Variants in CAMKMT observed in about 807,000 individuals in gnomAD.
CAMKMT encodes the protein calmodulin-lysine N-methyltransferase, also known as CaM KMT.
In CAMKMT, 53 loss-of-function variants were observed where a neutral mutation model predicts 48.0. The ratio of observed to expected loss-of-function variants is 1.10; its 90% CI spans 0.89 to 1.39. CAMKMT has a LOEUF of 1.39. CAMKMT is among the 40% of genes most tolerant of loss of function. CAMKMT has a pLI of 0.00. For synonymous variants in CAMKMT, 165 were observed against 152.3 expected, an observed-to-expected ratio of 1.08 and a Z score of -0.61; for missense variants, 428 against 402.7, an observed-to-expected ratio of 1.06 and a Z score of -0.54.
chr2:44,400,928 GTGTATATATA>G (rs770164075), intron 3 of CAMKMT: 4,387 of 74,096 alleles, frequency 0.059, 206 homozygotes, highest in African/African-American at 0.25. Flanking sequence ...ACTTATGTGT[GTGTATATATA>G]TATATATATA....
intron 3 of CAMKMT, among the ~76,000 whole-genome samples, chr2:44,532,294 A>T (rs1305158765): frequency 6.6e-6 from 1 of 152,226 alleles, no homozygotes; most frequent in African/African-American, 2.4e-5. Flanking sequence ...CCATATATGG[A>T]TTATGTTGAC....
intron 3 of CAMKMT, among the ~76,000 whole-genome samples, chr2:44,531,326 T>C (rs1190963777): frequency 6.6e-6 from 1 of 152,156 alleles, no homozygotes; most frequent in East Asian, 1.9e-4. Context: ...CAACGTTTTA[T>C]GTGGTTTTTC....
intron 7 of CAMKMT, among the ~76,000 whole-genome samples, chr2:44,722,176 C>CTTTTTTTTTTT (rs11323950): frequency 1.3e-4 from 15 of 115,454 alleles, no homozygotes; most frequent in East Asian, 5.0e-4. Context: ...TTTCTTTTTT[C>CTTTTTTTTTTT]TTTTTTTTTT....
intron 3 of CAMKMT, among the ~76,000 whole-genome samples, chr2:44,656,093 G>A (rs796453443): frequency 8.5e-5 from 13 of 152,310 alleles, no homozygotes; most frequent in African/African-American, 2.9e-4. Context: ...ATAGCACTAT[G>A]AGAAAAGTAA....
At chr2:44,585,337 G>T (rs1328224787) in intron 3 of CAMKMT, among the ~76,000 whole-genome samples, 1 of 152,158 alleles carries the variant, frequency 6.6e-6, no homozygotes, top group South Asian at 2.1e-4. Context: ...ATACATTTAG[G>T]AAGCAATTCA....
chr2:44,378,383 G>A (rs2592196), intron 2 of CAMKMT, among the ~76,000 whole-genome samples: 104,957 of 151,902 alleles, frequency 0.69, 36,845 homozygotes, highest in South Asian at 0.78. Context: ...TAAAACCCAT[G>A]AGACTGGAAA....
chr2:44,526,570 A>G (rs1671414530), intron 3 of CAMKMT, among the ~76,000 whole-genome samples: 1 of 152,208 alleles, frequency 6.6e-6, no homozygotes, highest in South Asian at 2.1e-4. Context: ...CCGAAGGTCC[A>G]AGAACTGGGA....
chr2:44,659,669 G>C (rs188519517), intron 3 of CAMKMT, among the ~76,000 whole-genome samples: 59 of 151,648 alleles, frequency 3.9e-4, no homozygotes, highest in African/African-American at 1.3e-3. Context: ...ATTTATTTCT[G>C]TAGGTGGCAA....
intron 3 of CAMKMT, among the ~76,000 whole-genome samples, chr2:44,433,317 A>G (rs558794629): frequency 2.6e-4 from 40 of 152,328 alleles, no homozygotes; most frequent in African/African-American, 9.4e-4. Flanking sequence ...TGACTGATGC[A>G]ATAGAAGTGA....
chr2:44,403,319 C>G (rs1682557609), intron 3 of CAMKMT, among the ~76,000 whole-genome samples: 1 of 152,150 alleles, frequency 6.6e-6, no homozygotes, highest in Non-Finnish European at 1.5e-5. Context: ...ATTTTACCTT[C>G]CTTACCACCA....
intron 3 of CAMKMT, among the ~76,000 whole-genome samples, chr2:44,568,596 G>C (rs948730120): frequency 2.0e-5 from 3 of 152,128 alleles, no homozygotes; most frequent in African/African-American, 7.2e-5. Context: ...TAGAGGAACT[G>C]AAGGTCTAAA....
chr2:44,373,969 C>T (rs902342787), intron 2 of CAMKMT, among the ~76,000 whole-genome samples: 4 of 151,220 alleles, frequency 2.6e-5, no homozygotes, highest in Non-Finnish European at 1.5e-5. Context: ...ACAAAAAATA[C>T]AAAAATTAAT....
At chr2:44,681,826 C>T (rs1324702750) in intron 3 of CAMKMT, among the ~76,000 whole-genome samples, 1 of 152,140 alleles carries the variant, frequency 6.6e-6, no homozygotes, top group Non-Finnish European at 1.5e-5. Flanking sequence ...CTTCATTCAT[C>T]TGGTTTTTGT....
intron 3 of CAMKMT, among the ~76,000 whole-genome samples, chr2:44,625,043 G>GT (rs1175987458): frequency 3.9e-5 from 6 of 152,086 alleles, no homozygotes; most frequent in Non-Finnish European, 8.8e-5. Flanking sequence ...GGTATGTATG[G>GT]TATATGTTTA....
At chr2:44,523,207 G>A (rs1036355488) in intron 3 of CAMKMT, among the ~76,000 whole-genome samples, 2 of 151,662 alleles carry the variant, frequency 1.3e-5, no homozygotes, top group African/African-American at 2.4e-5. Flanking sequence ...GATTCTGTAG[G>A]TCAAGAATTT....
At chr2:44,500,197 C>G (rs1669940635) in intron 3 of CAMKMT, among the ~76,000 whole-genome samples, 1 of 152,074 alleles carries the variant, frequency 6.6e-6, no homozygotes, top group African/African-American at 2.4e-5. Flanking sequence ...CTAGTTCTCA[C>G]TAGGGTTTTA....
At chr2:44,578,459 G>A (rs529860646) in intron 3 of CAMKMT, among the ~76,000 whole-genome samples, 1 of 151,918 alleles carries the variant, frequency 6.6e-6, no homozygotes. Flanking sequence ...GTAGATCTGC[G>A]ATCTTCAGCC....
At chr2:44,635,296 C>G (rs967193605) in intron 3 of CAMKMT, among the ~76,000 whole-genome samples, 4 of 152,054 alleles carry the variant, frequency 2.6e-5, no homozygotes, top group African/African-American at 7.2e-5. Context: ...AATTGGTACC[C>G]TAAGGGGCTA....
At chr2:44,755,656 C>T (rs1158804495) in intron 9 of CAMKMT, among the ~76,000 whole-genome samples, 1 of 152,082 alleles carries the variant, frequency 6.6e-6, no homozygotes, top group Non-Finnish European at 1.5e-5. Flanking sequence ...TAGAAAAGTG[C>T]CCAAGCTATG....
Sources: gnomAD v4.1 joint callset for allele counts (sites outside exome capture counted in the v4.1 genomes callset) on GRCh38, gnomAD v4.1.1 for gene constraint, MANE v1.5 for transcripts, NCBI Gene and HGNC (gene_info 2026-07-23, HGNC 2026-07-21) for gene names.